NCK2: variants seen among roughly 807,000 people sequenced by gnomAD.
NCK2 encodes the protein NCK adaptor protein 2, also known as cytoplasmic protein NCK2.
Under a neutral mutation model 33.9 loss-of-function variants are expected in NCK2, and 16 were observed. The ratio of observed to expected loss-of-function variants is 0.47; its 90% CI spans 0.32 to 0.72. The LOEUF (loss-of-function observed/expected upper bound fraction) is 0.72, where lower values mean the gene tolerates loss of function less well. Among genes scored for constraint, NCK2 ranks in the 30% least tolerant of loss-of-function variants. NCK2 has a pLI of 0.03. For missense variants in NCK2, 418 were observed against 537.3 expected (o/e 0.78, Z 2.19); for synonymous variants, 273 against 239.9 (o/e 1.14, Z -1.27).
At chr2:105,771,753 T>G (rs569908525) in intron 1 of NCK2, among the ~76,000 whole-genome samples, 46 of 152,226 alleles carry the variant, frequency 3.0e-4, no homozygotes, top group Non-Finnish European at 6.3e-4. Context: ...AAAAAGCATG[T>G]ACCTGGGTTG....
Position 105,744,978 on chromosome 2 carries a change from G to GGCGCCCGGGCCGGCAGGGT in NCK2, c.-360_-342dup, listed in dbSNP as rs1365294436. On this transcript the variant is annotated 5_prime_UTR_variant, in exon 1 of 5. Coordinates refer to ENST00000233154, the MANE Select transcript of NCK2 (RefSeq NM_003581.5). The stretch of plus-strand genomic sequence containing the variant: ...AGGGCTTGGCGGCCGGGAGGCTCGC[G>GGCGCCCGGGCCGGCAGGGT]GCGCCCGGGCCGGCAGGGTCCGCCC... 1.4e-5 allele frequency: 2 copies of GGCGCCCGGGCCGGCAGGGT among 144,450 alleles called. No homozygotes were observed. The highest frequency in any genetic ancestry group is 3.1e-5 in the Non-Finnish European group (2 of 64,924). The allele number at this position is 144,450 out of a possible 1,614,324, so 8.9% of individuals were successfully genotyped here.
In NCK2 at chr2:105,763,176, C is replaced by T. The variant is rs527737423; in HGVS notation, c.-201+18038C>T. Among the ~76,000 whole-genome samples, 14 of 152,178 alleles carry T rather than the reference C, an allele frequency of 9.2e-5. No individual in the cohort carries two copies. In the East Asian group the frequency reaches 1.4e-3, roughly 15 times the overall value. The stretch of plus-strand genomic sequence containing the variant: ...TCATGCCACCGCACTCCAGCCTGGG[C>T]GACAGAACGAGACTCTTGTCTCCAA... On this transcript the variant is annotated intron_variant, in intron 1 of 4. Transcript: ENST00000233154.
chr2:105,745,271 C>T (rs1166350719), intron 1 of NCK2, 133 bp downstream of exon 1: 11 of 151,646 alleles, frequency 7.3e-5, no homozygotes, highest in Admixed American at 1.3e-4. Context: ...CCTCCGCGCC[C>T]CTCCGGTGCT....
At chr2:105,798,129 A>C (rs1328607735) in intron 1 of NCK2, among the ~76,000 whole-genome samples, 14 of 152,240 alleles carry the variant, frequency 9.2e-5, no homozygotes, top group Non-Finnish European at 1.5e-5. Flanking sequence ...TTTAGGATTT[A>C]ATATTCTATG....
At chr2:105,866,336 A>G (rs1282358710) in intron 3 of NCK2, among the ~76,000 whole-genome samples, 1 of 151,866 alleles carries the variant, frequency 6.6e-6, no homozygotes, top group African/African-American at 2.4e-5. Flanking sequence ...CAGTGTTAAT[A>G]TAAGTATATA....
At chr2:105,869,576 C>T (rs1346675048) in intron 3 of NCK2, among the ~76,000 whole-genome samples, 3 of 152,178 alleles carry the variant, frequency 2.0e-5, no homozygotes, top group Admixed American at 6.5e-5. Context: ...CGTGTTCCCC[C>T]GTGAATGTGC....
At chr2:105,787,005 T>A (rs1690702796) in intron 1 of NCK2, among the ~76,000 whole-genome samples, 1 of 152,236 alleles carries the variant, frequency 6.6e-6, no homozygotes, top group African/African-American at 2.4e-5. Context: ...TTGGTGGCTC[T>A]CAATGGGGTG....
chr2:105,862,243 G>T (rs957003547), intron 3 of NCK2, among the ~76,000 whole-genome samples: 1 of 152,114 alleles, frequency 6.6e-6, no homozygotes, highest in Admixed American at 6.5e-5. Flanking sequence ...GTGGGAAGGG[G>T]GTCGGTCTTG....
At position 105,882,013 on chromosome 2, in the gene NCK2, G is replaced by T. The variant is rs375512251; in HGVS notation, c.912G>T (p.Val304=). 1.3e-6 allele frequency: 2 copies of T among 1,505,966 alleles called. No homozygotes were observed. Among genetic ancestry groups the T allele is most frequent in the African/African-American group, 1.4e-5 (1 of 71,628 alleles). The allele number at this position is 1,505,966 out of a possible 1,614,324, so 93.3% of individuals were successfully genotyped here. A position where few individuals can be genotyped will look rare whatever the true frequency, so the allele number is the denominator to read the frequency against. The change falls in exon 4 of 5, where the codon GTG becomes GTT. Residue 304 remains valine (V), a synonymous_variant. Transcript: ENST00000233154. ...QAECALNERG[V]EGDFLIRDSE... Reference sequence around the variant, plus strand: ...AGTGCGCCCTCAACGAGCGGGGCGTGGAGGGCGACTTCCTCATTAGGGACA... The same window carrying T: ...AGTGCGCCCTCAACGAGCGGGGCGTTGAGGGCGACTTCCTCATTAGGGACA...
chr2:105,886,129 T>A (rs2033008), intron 4 of NCK2, among the ~76,000 whole-genome samples: 45,423 of 152,184 alleles, frequency 0.3, 7,174 homozygotes, highest in South Asian at 0.43. Context: ...TGTAGGCATC[T>A]TTCCAGTTTC....
At chr2:105,793,661 G>A (rs1291290250) in intron 1 of NCK2, among the ~76,000 whole-genome samples, 1 of 152,242 alleles carries the variant, frequency 6.6e-6, no homozygotes, top group Non-Finnish European at 1.5e-5. Context: ...GATACTTTGT[G>A]TGTATTTTTA....
At chr2:105,879,305 C>T (rs1360356530) in intron 3 of NCK2, among the ~76,000 whole-genome samples, 2 of 152,210 alleles carry the variant, frequency 1.3e-5, no homozygotes, top group African/African-American at 4.8e-5. Context: ...GGCCGTGAGG[C>T]CTTCCTGGTT....
intron 2 of NCK2, 28 bp from the exon 3 acceptor site, chr2:105,855,020 T>C (rs771902940): frequency 6.4e-7 from 1 of 1,556,088 alleles, no homozygotes; most frequent in South Asian, 1.1e-5. Flanking sequence ...AGTTCTCTAA[T>C]GAGCATCTCC....
intron 1 of NCK2, among the ~76,000 whole-genome samples, chr2:105,769,919 G>C (rs1052416055): frequency 1.3e-5 from 2 of 152,040 alleles, no homozygotes; most frequent in African/African-American, 4.8e-5. Context: ...TTTTTGATTC[G>C]GGATTTTGGA....
intron 2 of NCK2, among the ~76,000 whole-genome samples, chr2:105,844,746 G>GA (rs1558866415): frequency 1.9e-4 from 7 of 37,172 alleles, no homozygotes; most frequent in African/African-American, 8.1e-4. Flanking sequence ...GGGCGGGGGG[G>GA]GATATATATA....
In NCK2 at chr2:105,831,380, C is replaced by T. The variant is rs369160291; in HGVS notation, c.-17+14767C>T. On this transcript the variant is annotated intron_variant, in intron 2 of 4. Transcript: ENST00000233154. The stretch of plus-strand genomic sequence containing the variant: ...GCACATGGTGCTTGACTGGAAAATA[C>T]GCTACAAAGCTACCAAATAAGCATG... Among the ~76,000 whole-genome samples the T allele has an allele frequency of 2.6e-3, 387 of 150,908 alleles. 1 individual carries two copies. The highest frequency in any genetic ancestry group is 8.4e-3 in the African/African-American group (346 of 41,244).
At chr2:105,880,582 T>C (rs1678430354) in intron 3 of NCK2, among the ~76,000 whole-genome samples, 1 of 152,216 alleles carries the variant, frequency 6.6e-6, no homozygotes, top group Non-Finnish European at 1.5e-5. Flanking sequence ...CTGCGTTCCC[T>C]AAGACTGGAT....
At position 105,855,074 on chromosome 2, in the gene NCK2, A is replaced by C. The variant is rs1195924667; in HGVS notation, c.11A>C (p.Glu4Ala). The C allele has an allele frequency of 1.2e-6, 2 of 1,614,022 alleles. No individual in the cohort carries two copies. ...AGGACTCCATGAAAGATGACAGAAGAAGTTATTGTGATAGCCAAGTGGGAC... is the reference window on the plus strand; with the variant it reads ...AGGACTCCATGAAAGATGACAGAAGCAGTTATTGTGATAGCCAAGTGGGAC... MTE[E>A]VIVIAKWDYT... Residue 4 changes from glutamate (E) to alanine (A), a missense_variant, in exon 3 of 5, where the codon GAA (glutamate) becomes GCA (alanine). Coordinates refer to ENST00000233154, the MANE Select transcript of NCK2 (RefSeq NM_003581.5).
rs574579999 is a variant in NCK2, at chr2:105,795,123, G to A, written c.-200-21307G>A. Among the ~76,000 whole-genome samples, 9 of 152,330 alleles carry A rather than the reference G, an allele frequency of 5.9e-5. No homozygotes were observed. In the East Asian group the frequency reaches 1.5e-3, roughly 26 times the overall value. Reference sequence around the variant, plus strand: ...GAACTAGCAACATCCCCGACAGGGTGCTGCATTTGTTTCTGTGGGTGAAAC... The same window carrying A: ...GAACTAGCAACATCCCCGACAGGGTACTGCATTTGTTTCTGTGGGTGAAAC... On this transcript the variant is annotated intron_variant, in intron 1 of 4. Transcript: ENST00000233154.
Sources: allele counts gnomAD v4.1 joint callset (sites outside exome capture counted in the v4.1 genomes callset), GRCh38; gene constraint gnomAD v4.1.1; transcripts MANE v1.5; gene names NCBI Gene and HGNC (gene_info 2026-07-23, HGNC 2026-07-21).